Variants in P3H2 observed in about 807,000 individuals in gnomAD.
P3H2 encodes the protein prolyl 3-hydroxylase 2.
A neutral mutation model predicts 87.0 loss-of-function variants in P3H2; 80 were observed. The ratio of observed to expected loss-of-function variants is 0.92; its 90% CI spans 0.77 to 1.11. The LOEUF (loss-of-function observed/expected upper bound fraction) is 1.11. P3H2 is among the 50% of genes least tolerant of loss of function. The pLI is 0.00. For synonymous variants in P3H2, 367 were observed against 359.3 expected (o/e 1.02, Z -0.24); for missense variants, 1,001 against 923.9 (o/e 1.08, Z -1.08).
intron 1 of P3H2, among the ~76,000 whole-genome samples, chr3:190,046,210 G>C (rs562244798): frequency 6.6e-6 from 1 of 151,664 alleles, no homozygotes; most frequent in Admixed American, 6.6e-5. Flanking sequence ...CTCCACAATC[G>C]TGTATGCCGT....
At chr3:190,095,590 G>A (rs1394248425) in intron 1 of P3H2, among the ~76,000 whole-genome samples, 1 of 147,004 alleles carries the variant, frequency 6.8e-6, no homozygotes, top group African/African-American at 2.5e-5. Context: ...AAAACAAGTT[G>A]TGATTCCTTT....
chr3:190,088,499 T>C (rs1727300513), intron 1 of P3H2, among the ~76,000 whole-genome samples: 1 of 152,194 alleles, frequency 6.6e-6, no homozygotes, highest in Non-Finnish European at 1.5e-5. Flanking sequence ...GTATTTAGGT[T>C]GTTACCAAAA....
At position 190,020,830 on chromosome 3, in the gene P3H2, G is replaced by A. The variant is rs1724910200; in HGVS notation, c.481-25388C>T. Among the ~76,000 whole-genome samples the A allele has an allele frequency of 3.8e-5, 5 of 133,286 alleles. 2 individuals are homozygous for A. In the Admixed American group the frequency reaches 3.9e-4, roughly 10 times the overall value. The allele number at this position is 133,286 out of a possible 152,430, so 87.4% of individuals were successfully genotyped here. A position where few individuals can be genotyped will look rare whatever the true frequency, so the allele number is the denominator to read the frequency against. On this transcript the variant is annotated intron_variant, in intron 1 of 14. Transcript: ENST00000319332. ...AAGGAGTCCTTTTCCAAGGAGAGGT[G>A]GCATCTGTCAAAAATGTCAAACAAA...
In P3H2 at chr3:189,985,055, G is replaced by A. The variant is rs531579191; in HGVS notation, c.1189-465C>T. ...TTTAAAAGAATAATAAGTAAGGCCC[G>A]ATATAAATATTAATATATTAGAAGG... On this transcript the variant is annotated intron_variant, in intron 6 of 14. Coordinates refer to ENST00000319332, the MANE Select transcript of P3H2 (RefSeq NM_018192.4). Among the ~76,000 whole-genome samples the A allele has an allele frequency of 4.0e-5, 6 of 151,772 alleles. No individual in the cohort carries two copies. In the East Asian group the frequency reaches 5.8e-4, roughly 15 times the overall value.
chr3:189,974,744 G>C, intron 8 of P3H2, 59 bp from the exon 9 acceptor site: 1 of 1,606,040 alleles, frequency 6.2e-7, no homozygotes. Context: ...AGGAAGCACA[G>C]AATACCAAAC....
chr3:190,003,495 TAAA>T (rs5855293), intron 1 of P3H2, among the ~76,000 whole-genome samples: 87 of 146,074 alleles, frequency 6.0e-4, no homozygotes, highest in Admixed American at 1.8e-3. Context: ...CCCTTGATGT[TAAA>T]AAAAAAAAAA....
intron 1 of P3H2, among the ~76,000 whole-genome samples, chr3:190,106,492 A>T (rs1433453921): frequency 6.6e-6 from 1 of 151,816 alleles, no homozygotes; most frequent in Admixed American, 6.6e-5. Flanking sequence ...TTTGCCCTTT[A>T]TATTCCCTTA....
At chr3:189,966,109 GAAAGAAAGAAAGAA>G (rs1560338915) in intron 13 of P3H2, among the ~76,000 whole-genome samples, 5 of 80,188 alleles carry the variant, frequency 6.2e-5, no homozygotes, top group African/African-American at 1.8e-4. Context: ...AAAGAAAAAA[GAAAGAAAGAAAGAA>G]AAAGAAAGAA....
intron 13 of P3H2, among the ~76,000 whole-genome samples, chr3:189,964,840 G>A (rs1722927901): frequency 6.6e-6 from 1 of 152,232 alleles, no homozygotes; most frequent in African/African-American, 2.4e-5. Context: ...TTAGGTAGAA[G>A]AGTGTAGTGA....
intron 1 of P3H2, among the ~76,000 whole-genome samples, chr3:190,051,077 T>A (rs949514991): frequency 2.0e-5 from 3 of 152,204 alleles, no homozygotes; most frequent in African/African-American, 7.2e-5. Context: ...TCTTGTTAGT[T>A]CACCTGTGAC....
At chr3:190,032,738 T>A (rs1725293385) in intron 1 of P3H2, among the ~76,000 whole-genome samples, 1 of 152,004 alleles carries the variant, frequency 6.6e-6, no homozygotes, top group African/African-American at 2.4e-5. Context: ...AATGTTCAAG[T>A]TTTGGCTTTT....
intron 1 of P3H2, among the ~76,000 whole-genome samples, chr3:190,116,153 T>C (rs1712280921): frequency 6.6e-6 from 1 of 152,210 alleles, no homozygotes; most frequent in Non-Finnish European, 1.5e-5. Flanking sequence ...TGGTATACTT[T>C]TGGGAGTTGT....
In P3H2 at chr3:190,055,032, TA is replaced by T. The variant is rs1352238463; in HGVS notation, c.481-59591del. Among the ~76,000 whole-genome samples the T allele has an allele frequency of 5.9e-5, 9 of 152,290 alleles. No individual in the cohort carries two copies. In the East Asian group the frequency reaches 1.5e-3, roughly 26 times the overall value. On this transcript the variant is annotated intron_variant, in intron 1 of 14. Coordinates refer to ENST00000319332, the MANE Select transcript of P3H2 (RefSeq NM_018192.4). ...AATTCCTTTTCCTTCCTTCAGCAGTTAAAGTGGGATGCACATCTTTCTTGTT... is the reference window on the plus strand; with the variant it reads ...AATTCCTTTTCCTTCCTTCAGCAGTTAAGTGGGATGCACATCTTTCTTGTT...
chr3:189,971,379 G>T (rs1723173795), intron 12 of P3H2, among the ~76,000 whole-genome samples: 1 of 152,204 alleles, frequency 6.6e-6, no homozygotes, highest in African/African-American at 2.4e-5. Flanking sequence ...AGTGTAGTAA[G>T]GATGAACACA....
chr3:190,005,442 A>G (rs947019622), intron 1 of P3H2, among the ~76,000 whole-genome samples: 1 of 152,202 alleles, frequency 6.6e-6, no homozygotes, highest in Non-Finnish European at 1.5e-5. Flanking sequence ...GGCAAATTTG[A>G]TTATTTGAGG....
intron 8 of P3H2, among the ~76,000 whole-genome samples, chr3:189,978,123 A>AC (rs1354042364): frequency 6.6e-6 from 1 of 152,236 alleles, no homozygotes; most frequent in Non-Finnish European, 1.5e-5. Flanking sequence ...TTGTAGATTC[A>AC]CTGAAAAGCA....
chr3:190,035,259 G>C (rs1436722601), intron 1 of P3H2, among the ~76,000 whole-genome samples: 1 of 152,028 alleles, frequency 6.6e-6, no homozygotes, highest in Non-Finnish European at 1.5e-5. Context: ...GAAGACCAGA[G>C]TTTAAATATT....
chr3:189,966,119 AAGAAAAAG>A lies in P3H2; in HGVS notation c.1894-2029_1894-2022del, dbSNP rs1455565071. Among the ~76,000 whole-genome samples, 331 of 101,448 alleles carry A rather than the reference AAGAAAAAG, an allele frequency of 3.3e-3. 1 individual carries two copies. The highest frequency in any genetic ancestry group is 4.0e-3 in the Non-Finnish European group (210 of 52,568). The allele number at this position is 101,448 out of a possible 152,430, so 66.6% of individuals were successfully genotyped here. On this transcript the variant is annotated intron_variant, in intron 13 of 14. Transcript: ENST00000319332. ...GAAAGAAAGAAAAAAGAAAGAAAGA[AAGAAAAAG>A]AAAGAAAGAAAGAAAGAAAGAAAGA...
chr3:190,093,955 C>T (rs1283309928), intron 1 of P3H2, among the ~76,000 whole-genome samples: 3 of 152,148 alleles, frequency 2.0e-5, no homozygotes, highest in Non-Finnish European at 4.4e-5. Flanking sequence ...ATTTCACATC[C>T]TTTTCCCATT....
Sources: allele counts gnomAD v4.1 joint callset (sites outside exome capture counted in the v4.1 genomes callset), GRCh38; gene constraint gnomAD v4.1.1; transcripts MANE v1.5; gene names NCBI Gene and HGNC (gene_info 2026-07-23, HGNC 2026-07-21).